MTSS1: variants seen among roughly 807,000 people sequenced by gnomAD.
MTSS1 encodes MTSS I-BAR domain containing 1, also known as protein MTSS 1.
Under a neutral mutation model 79.0 loss-of-function variants are expected in MTSS1, and 18 were observed. That is an observed-to-expected ratio of 0.23 (90% CI 0.16 to 0.34). MTSS1 has a LOEUF of 0.34. Ranked by LOEUF, MTSS1 falls within the 10% of genes least tolerant of loss-of-function variation. The pLI, the probability that MTSS1 is intolerant of heterozygous loss-of-function variation, is 1.00. For missense variants in MTSS1, 815 were observed against 986.2 expected, an observed-to-expected ratio of 0.83 and a Z score of 2.33; for synonymous variants, 341 against 368.6, an observed-to-expected ratio of 0.93 and a Z score of 0.86.
At chr8:124,681,674 G>A (rs1446063284) in intron 3 of MTSS1, among the ~76,000 whole-genome samples, 4 of 152,152 alleles carry the variant, frequency 2.6e-5, no homozygotes, top group Non-Finnish European at 4.4e-5. Flanking sequence ...TGTAATCTCA[G>A]CTACTCAGGA....
chr8:124,695,864 G>GTTTTTT (rs144960393), intron 3 of MTSS1, among the ~76,000 whole-genome samples: 1 of 120,210 alleles, frequency 8.3e-6, no homozygotes, highest in Non-Finnish European at 1.9e-5. Flanking sequence ...GAAAACTAGT[G>GTTTTTT]TTGTTTTTTT....
chr8:124,714,395 T>C (rs931149843), intron 1 of MTSS1, among the ~76,000 whole-genome samples: 1 of 152,214 alleles, frequency 6.6e-6, no homozygotes, highest in African/African-American at 2.4e-5. Context: ...TCACGCCCGG[T>C]TAACTGCATT....
intron 3 of MTSS1, among the ~76,000 whole-genome samples, chr8:124,692,115 C>T (rs980125914): frequency 2.0e-5 from 3 of 151,206 alleles, no homozygotes; most frequent in Admixed American, 6.6e-5. Flanking sequence ...TTGCAACCTC[C>T]GCCTCCTGAG....
chr8:124,642,599 T>C (rs1192712077), intron 3 of MTSS1, among the ~76,000 whole-genome samples: 4 of 152,204 alleles, frequency 2.6e-5, no homozygotes, highest in African/African-American at 9.7e-5. Context: ...TTTTTCTTTT[T>C]TCTTTTTTTT....
chr8:124,700,285 A>G (rs1829528181), intron 2 of MTSS1, among the ~76,000 whole-genome samples: 2 of 152,116 alleles, frequency 1.3e-5, no homozygotes, highest in Admixed American at 6.6e-5. Flanking sequence ...GGAAAGCAAT[A>G]TATATATATG....
intron 3 of MTSS1, among the ~76,000 whole-genome samples, chr8:124,626,378 T>C (rs1307971832): frequency 6.6e-6 from 1 of 152,140 alleles, no homozygotes; most frequent in East Asian, 1.9e-4. Flanking sequence ...GGCACGCATC[T>C]GTAATCTCAG....
In MTSS1 at chr8:124,567,877, G is replaced by T. The variant is rs779942464; in HGVS notation, c.618+502C>A. 15 of 1,443,984 alleles carry T rather than the reference G, an allele frequency of 1.0e-5. No individual in the cohort carries two copies. In the South Asian group the frequency reaches 1.9e-4, roughly 18 times the overall value. 89.4% of individuals were successfully genotyped at this position (1,443,984 alleles called of 1,614,324 possible). ...CCTGCAGTGCAAGTTCTCAATTACGGCATGCAAATGATTTCCTTAAAAATT... is the reference window on the plus strand; with the variant it reads ...CCTGCAGTGCAAGTTCTCAATTACGTCATGCAAATGATTTCCTTAAAAATT... On this transcript the variant is annotated intron_variant, in intron 7 of 13. Transcript: ENST00000518547.
rs769165632 is a variant in MTSS1 at position 124,557,651 on chromosome 8, G to A, written c.1230+30C>T. 89 of 1,533,230 alleles carry A rather than the reference G, an allele frequency of 5.8e-5. 1 individual carries two copies. In the East Asian group the frequency reaches 1.1e-3, roughly 19 times the overall value. The allele number at this position is 1,533,230 out of a possible 1,614,324, so 95.0% of individuals were successfully genotyped here. On this transcript the variant is annotated intron_variant, in intron 11 of 13. Coordinates refer to ENST00000518547, the MANE Select transcript of MTSS1 (RefSeq NM_014751.6). ...GAGGGGTGAGCACAGAGGCAATGAC[G>A]GGGAGAGGAGGAGGGGGAGAGACAC...
intron 3 of MTSS1, among the ~76,000 whole-genome samples, chr8:124,698,352 G>GCT (rs1829183034): frequency 6.6e-6 from 1 of 152,012 alleles, no homozygotes; most frequent in Non-Finnish European, 1.5e-5. Flanking sequence ...GAAAAGAACA[G>GCT]GCCTATAGCT....
At chr8:124,690,967 A>G (rs570439792) in intron 3 of MTSS1, among the ~76,000 whole-genome samples, 2 of 152,298 alleles carry the variant, frequency 1.3e-5, no homozygotes, top group East Asian at 1.9e-4. Context: ...ATGACACCCT[A>G]CTGTCCTGGG....
intron 1 of MTSS1, among the ~76,000 whole-genome samples, chr8:124,718,757 G>A (rs1264666150): frequency 5.3e-5 from 8 of 152,064 alleles, no homozygotes; most frequent in Non-Finnish European, 7.4e-5. Context: ...TTACTGGAGC[G>A]ACCCTTGACA....
At chr8:124,568,305 T>C (rs1826968899) in intron 7 of MTSS1, 74 bp downstream of exon 7, 3 of 1,510,158 alleles carry the variant, frequency 2.0e-6, no homozygotes, top group Non-Finnish European at 2.7e-6. Context: ...GACTCAACAG[T>C]GGATGGATAA....
At chr8:124,581,454 A>ATT (rs36050957) in intron 6 of MTSS1, among the ~76,000 whole-genome samples, 3 of 138,170 alleles carry the variant, frequency 2.2e-5, no homozygotes, top group African/African-American at 8.4e-5. Context: ...CTTTACCAGA[A>ATT]TTTTTTTATT....
chr8:124,666,557 C>T (rs1823121531), intron 3 of MTSS1, among the ~76,000 whole-genome samples: 1 of 152,200 alleles, frequency 6.6e-6, no homozygotes, highest in East Asian at 1.9e-4. Flanking sequence ...AAGTTCGCCA[C>T]CGGGATCCAC....
At chr8:124,706,249 C>A (rs1332352529) in intron 1 of MTSS1, among the ~76,000 whole-genome samples, 1 of 152,122 alleles carries the variant, frequency 6.6e-6, no homozygotes, top group Admixed American at 6.5e-5. Context: ...AATATTAATA[C>A]GGGTTACTTC....
chr8:124,696,387 T>G (rs1828824248), intron 3 of MTSS1, among the ~76,000 whole-genome samples: 1 of 152,182 alleles, frequency 6.6e-6, no homozygotes, highest in African/African-American at 2.4e-5. Flanking sequence ...AGAAGGACAT[T>G]CGAGTTTCTC....
At chr8:124,598,524 AC>A (rs1833166333) in intron 3 of MTSS1, among the ~76,000 whole-genome samples, 1 of 152,136 alleles carries the variant, frequency 6.6e-6, no homozygotes, top group Non-Finnish European at 1.5e-5. Flanking sequence ...CAGGGAAGCC[AC>A]CTGACATGCT....
intron 3 of MTSS1, among the ~76,000 whole-genome samples, chr8:124,636,057 G>A (rs1816924492): frequency 6.6e-6 from 1 of 152,094 alleles, no homozygotes; most frequent in Non-Finnish European, 1.5e-5. Flanking sequence ...GGCTCCTTAG[G>A]CTAGGAGCGC....
intron 3 of MTSS1, among the ~76,000 whole-genome samples, chr8:124,613,106 A>C (rs1241418366): frequency 6.6e-6 from 1 of 152,206 alleles, no homozygotes; most frequent in Admixed American, 6.5e-5. Context: ...CTTACAGATG[A>C]GGAGCAAGAC....
Sources: allele counts gnomAD v4.1 joint callset (sites outside exome capture counted in the v4.1 genomes callset), GRCh38; gene constraint gnomAD v4.1.1; transcripts MANE v1.5; gene names NCBI Gene and HGNC (gene_info 2026-07-23, HGNC 2026-07-21).